The following TMPRSS15 variants were observed in gnomAD, a reference collection of about 807,000 sequenced individuals.
TMPRSS15 encodes enteropeptidase.
TMPRSS15 carries 128 observed loss-of-function variants against 125.3 expected under a neutral mutation model. That is an observed-to-expected ratio of 1.02 (90% CI 0.89 to 1.18). TMPRSS15 has a LOEUF of 1.18. Among genes scored for constraint, TMPRSS15 ranks in the 50% most tolerant of loss-of-function variants. The pLI, the probability that TMPRSS15 is intolerant of heterozygous loss-of-function variation, is 0.00. For missense variants in TMPRSS15, 1,283 were observed against 1,212.7 expected (o/e 1.06, Z -0.86); for synonymous variants, 446 against 423.2 (o/e 1.05, Z -0.66).
chr21:18,315,259 A>G lies in TMPRSS15; in HGVS notation c.1922-3T>C, dbSNP rs1325026538. The G allele has an allele frequency of 3.1e-6, 5 of 1,605,992 alleles. No individual in the cohort carries two copies. In the East Asian group the frequency reaches 8.9e-5, roughly 29 times the overall value. ...AAAATGGTCTGCCTTGCATGGCTCTATGGGGAAAGAATGTTTATTGTATAG... is the reference window on the plus strand; with the variant it reads ...AAAATGGTCTGCCTTGCATGGCTCTGTGGGGAAAGAATGTTTATTGTATAG... On this transcript the variant is annotated splice_polypyrimidine_tract_variant and splice_region_variant and intron_variant, in intron 16 of 24. Transcript: ENST00000284885.
intron 3 of TMPRSS15, among the ~76,000 whole-genome samples, chr21:18,388,311 T>C (rs1036721864): frequency 1.3e-5 from 2 of 152,084 alleles, no homozygotes; most frequent in Non-Finnish European, 2.9e-5. Flanking sequence ...AAACAAACAA[T>C]CCCTAAGCTC....
upstream of TMPRSS15, among the ~76,000 whole-genome samples, chr21:18,407,473 G>C (rs1174772794): frequency 6.2e-5 from 8 of 128,512 alleles, no homozygotes; most frequent in East Asian, 1.7e-3. Flanking sequence ...TTTTGAGACA[G>C]TCTCATTCTG....
At chr21:18,435,657 G>C (rs2076226162) in intron 1 of TMPRSS15, among the ~76,000 whole-genome samples, 1 of 152,128 alleles carries the variant, frequency 6.6e-6, no homozygotes, top group African/African-American at 2.4e-5. Context: ...AAATGAGTTA[G>C]GGAGGATCCC....
chr21:18,454,260 C>A (rs377700103), intron 1 of TMPRSS15, among the ~76,000 whole-genome samples: 5 of 152,026 alleles, frequency 3.3e-5, no homozygotes, highest in African/African-American at 4.8e-5. Context: ...TTCTTCCTTG[C>A]TAATGTGATA....
chr21:18,464,078 C>G (rs1978605796), intron 1 of TMPRSS15, among the ~76,000 whole-genome samples: 2 of 143,098 alleles, frequency 1.4e-5, no homozygotes, highest in Non-Finnish European at 1.5e-5. Flanking sequence ...GAGGCTGAGA[C>G]AGGAGAATGG....
chr21:18,330,239 C>CA (rs2075331274), intron 14 of TMPRSS15, among the ~76,000 whole-genome samples: 2 of 152,174 alleles, frequency 1.3e-5, no homozygotes, highest in Admixed American at 6.5e-5. Flanking sequence ...ACGTCCCTTG[C>CA]CACCACAACA....
At chr21:18,308,473 A>T (rs2075060467) in intron 18 of TMPRSS15, among the ~76,000 whole-genome samples, 1 of 152,164 alleles carries the variant, frequency 6.6e-6, no homozygotes, top group African/African-American at 2.4e-5. Context: ...CATACTATTT[A>T]TAAAAAATAT....
rs71675872 is a variant in TMPRSS15 at position 18,315,333 on chromosome 21, TC to T, written c.1922-78del. On this transcript the variant is annotated intron_variant, in intron 16 of 24. Coordinates refer to ENST00000284885, the MANE Select transcript of TMPRSS15 (RefSeq NM_002772.3). Reference sequence around the variant, plus strand: ...ATTCTGGAGTACAAATCCCATTTGCTCCCCTTTAAACATGAGTCCTTTGCCA... The same window carrying T: ...ATTCTGGAGTACAAATCCCATTTGCTCCCTTTAAACATGAGTCCTTTGCCA... 1,739 of 1,265,282 alleles carry T rather than the reference TC, an allele frequency of 1.4e-3. 13 individuals are homozygous for T. The African/African-American group carries it at 0.023, about 16-fold the overall frequency. 78.4% of individuals were successfully genotyped at this position (1,265,282 alleles called of 1,614,324 possible). A position where few individuals can be genotyped will look rare whatever the true frequency, so the allele number is the denominator to read the frequency against.
intron 19 of TMPRSS15, 27 bp from the exon 20 acceptor site, chr21:18,294,679 T>A (rs1278482460): frequency 1.9e-6 from 3 of 1,589,960 alleles, no homozygotes; most frequent in African/African-American, 2.7e-5. Context: ...ATCATATTTT[T>A]AAAATTATGC....
At chr21:18,316,765 G>A (rs2824733) in intron 16 of TMPRSS15, among the ~76,000 whole-genome samples, 22,830 of 152,080 alleles carry the variant, frequency 0.15, 1,703 homozygotes, top group East Asian at 0.18. Context: ...GAGATTGTTC[G>A]GTCTTTAAAA....
intron 16 of TMPRSS15, among the ~76,000 whole-genome samples, chr21:18,322,627 G>A (rs2146955163): frequency 6.6e-6 from 1 of 152,316 alleles, no homozygotes; most frequent in African/African-American, 2.4e-5. Flanking sequence ...GCCAGGCACA[G>A]AAGGACAAAT....
intron 24 of TMPRSS15, among the ~76,000 whole-genome samples, chr21:18,274,629 C>T (rs922545513): frequency 3.9e-5 from 6 of 152,108 alleles, no homozygotes; most frequent in African/African-American, 9.7e-5. Flanking sequence ...AATATAAAAG[C>T]CAGAGCCAGG....
intron 3 of TMPRSS15, among the ~76,000 whole-genome samples, chr21:18,387,612 TACACACACACACACACACACACACACAC>T (rs57708622): frequency 6.2e-5 from 9 of 145,146 alleles, no homozygotes; most frequent in Non-Finnish European, 1.4e-4. Context: ...CACACACACA[TACACACACACACACACACACACACACAC>T]ACACACACAC....
rs1385320013 is a variant in TMPRSS15 at position 18,383,744 on chromosome 21, A to G, written c.379T>C (p.Phe127Leu). ...TTTTCATCTGACACCCACTGGGCAA[A>G]GAAAAGGTCAAATACGACTATAATG... is the stretch of plus-strand genomic sequence containing the variant. ...GSIIVVFDLF[F>L]AQWVSDENVK... is the part of the protein sequence containing the mutation. The change falls in exon 4 of 25, where the codon TTT becomes CTT. Residue 127 changes from phenylalanine to leucine, a missense_variant. Transcript: ENST00000284885. 1 of 1,613,852 alleles carries G rather than the reference A, an allele frequency of 6.2e-7. No individual in the cohort carries two copies. The highest frequency in any genetic ancestry group is 1.7e-5 in the Admixed American group (1 of 59,974).
At chr21:18,299,015 G>A (rs2074936711) in intron 18 of TMPRSS15, among the ~76,000 whole-genome samples, 1 of 152,148 alleles carries the variant, frequency 6.6e-6, no homozygotes, top group South Asian at 2.1e-4. Flanking sequence ...TCTATTTAAT[G>A]TTCCAGAATT....
intron 18 of TMPRSS15, among the ~76,000 whole-genome samples, chr21:18,309,495 T>A (rs1601312904): frequency 1.3e-5 from 2 of 152,210 alleles, no homozygotes; most frequent in East Asian, 3.9e-4. Context: ...AGAAAATTTT[T>A]GCAATCTAGC....
intron 3 of TMPRSS15, among the ~76,000 whole-genome samples, chr21:18,393,142 G>A (rs1035533497): frequency 1.5e-4 from 23 of 152,112 alleles, no homozygotes; most frequent in Non-Finnish European, 2.9e-4. Context: ...GCCAGAGTGT[G>A]TTTTGGTGAC....
At chr21:18,386,063 G>A (rs1267937528) in intron 3 of TMPRSS15, among the ~76,000 whole-genome samples, 1 of 152,034 alleles carries the variant, frequency 6.6e-6, no homozygotes. Flanking sequence ...TATTTTTAAG[G>A]CACTTTTAGT....
At chr21:18,366,000 G>A (rs1483879293) in intron 6 of TMPRSS15, among the ~76,000 whole-genome samples, 1 of 152,020 alleles carries the variant, frequency 6.6e-6, no homozygotes, top group Admixed American at 6.6e-5. Context: ...CTCCCAAAAT[G>A]CTGGGATTAC....
Sources: gnomAD v4.1 joint callset for allele counts (sites outside exome capture counted in the v4.1 genomes callset) on GRCh38, gnomAD v4.1.1 for gene constraint, MANE v1.5 for transcripts, NCBI Gene and HGNC (gene_info 2026-07-23, HGNC 2026-07-21) for gene names.